DLEC1: variants seen among roughly 807,000 people sequenced by gnomAD.
The protein encoded by DLEC1 is DLEC1 cilia and flagella associated protein.
Under a neutral mutation model 198.1 loss-of-function variants are expected in DLEC1, and 146 were observed. The observed-to-expected ratio is 0.74, with a 90% confidence interval of 0.64 to 0.85. The LOEUF is 0.85. Ranked by LOEUF, DLEC1 falls within the 40% of genes least tolerant of loss-of-function variation. The probability of loss-of-function intolerance (pLI) is 0.00; values close to 1 mark genes in which losing one functional copy is unlikely to be tolerated. For missense variants in DLEC1, 2,233 were observed against 2,220.0 expected (o/e 1.01, Z -0.12); for synonymous variants, 897 against 866.8 (o/e 1.03, Z -0.61).
At chr3:38,051,600 G>A (rs923339115) in intron 2 of DLEC1, among the ~76,000 whole-genome samples, 1 of 152,220 alleles carries the variant, frequency 6.6e-6, no homozygotes, top group African/African-American at 2.4e-5. Flanking sequence ...AATTACTCTG[G>A]AGATCCTGTG....
intron 15 of DLEC1, 26 bp from the exon 16 acceptor site, chr3:38,097,156 G>C: frequency 6.5e-7 from 1 of 1,550,204 alleles, no homozygotes; most frequent in Non-Finnish European, 8.7e-7. Context: ...CAGTAAATGG[G>C]CAGCCTGGTC....
intron 10 of DLEC1, among the ~76,000 whole-genome samples, chr3:38,089,095 C>G (rs922337466): frequency 6.6e-6 from 1 of 152,240 alleles, no homozygotes; most frequent in African/African-American, 2.4e-5. Context: ...TTCACACTAG[C>G]CTGCCGAGGG....
At chr3:38,115,848 G>C (rs1215212611) in intron 27 of DLEC1, among the ~76,000 whole-genome samples, 3 of 152,196 alleles carry the variant, frequency 2.0e-5, no homozygotes, top group East Asian at 3.9e-4. Context: ...GCTGGAGAGA[G>C]AGCAATGGGG....
At chr3:38,065,145 C>T (rs568246223) in intron 6 of DLEC1, among the ~76,000 whole-genome samples, 55 of 152,352 alleles carry the variant, frequency 3.6e-4, no homozygotes, top group African/African-American at 1.2e-3. Flanking sequence ...GAGACCAGCC[C>T]GGCCAGCACA....
intron 2 of DLEC1, among the ~76,000 whole-genome samples, chr3:38,054,198 A>T (rs1696220760): frequency 1.5e-5 from 1 of 68,380 alleles, no homozygotes; most frequent in African/African-American, 5.2e-5. Flanking sequence ...AATAAATACT[A>T]AAAAAAAAAA....
rs563381937 is a variant in DLEC1, at chr3:38,050,100, G to A, written c.562+4407G>A. Among the ~76,000 whole-genome samples the A allele has an allele frequency of 3.3e-5, 5 of 151,404 alleles. No individual in the cohort carries two copies. In the South Asian group the frequency reaches 8.4e-4, roughly 25 times the overall value. On this transcript the variant is annotated intron_variant, in intron 2 of 36. Transcript: ENST00000308059. The stretch of plus-strand genomic sequence containing the variant: ...TTTTTTTTTTTCAAGACAGGGTCTC[G>A]CTTCATCACCCAGGCTGGAGTGCAG...
Position 38,077,875 on chromosome 3 carries a change from G to A in DLEC1, c.1174-6283G>A, listed in dbSNP as rs139591951. 3.8e-3 allele frequency among the ~76,000 whole-genome samples: 575 copies of A among 152,294 alleles called. 5 individuals are homozygous for A. The highest frequency in any genetic ancestry group is 0.013 in the African/African-American group (547 of 41,534). Reference sequence around the variant, plus strand: ...ATAATCCCTGAGGAGTAGTAGAATAGCAGATGGAACACTGAGAAGTTATTT... The same window carrying A: ...ATAATCCCTGAGGAGTAGTAGAATAACAGATGGAACACTGAGAAGTTATTT... On this transcript the variant is annotated intron_variant, in intron 6 of 36. Coordinates refer to ENST00000308059, the MANE Select transcript of DLEC1 (RefSeq NM_007335.4).
rs913201940 is a variant in DLEC1 at position 38,093,635 on chromosome 3, T to C, written c.1787T>C (p.Ile596Thr). 6.2e-7 allele frequency: 1 copy of C among 1,614,192 alleles called. No homozygotes were observed. Among genetic ancestry groups the C allele is most frequent in the Middle Eastern group, 1.6e-4 (1 of 6,062 alleles). ...GIGQLIALDL[I>T]YISGEKSQPD... ...GGGCAGCTGATTGCTTTGGATCTGA[T>C]CTATATTTCTGGTGAAAAAAGCCAG... Residue 596 changes from isoleucine (I) to threonine (T), a missense_variant, in exon 12 of 37, where the codon ATC becomes ACC. Ile to Thr is a moderately conservative substitution (Grantham distance 89). Transcript: ENST00000308059.
rs1033358355 is a variant in DLEC1 at position 38,123,256 on chromosome 3, T to C, written c.*844T>C. 3 of 780,720 alleles carry C rather than the reference T, an allele frequency of 3.8e-6. No individual in the cohort carries two copies. Among genetic ancestry groups the C allele is most frequent in the South Asian group, 3.1e-5 (2 of 63,770 alleles). 48.4% of individuals were successfully genotyped at this position (780,720 alleles called of 1,614,324 possible). On this transcript the variant is annotated 3_prime_UTR_variant, in exon 37 of 37. Transcript: ENST00000308059. The stretch of plus-strand genomic sequence containing the variant: ...CCAGATCTGTGGGCAAGCGGTACCC[T>C]GGCCTCCCACTTGGGCACACACACG...
chr3:38,073,829 G>T (rs1310603427), intron 6 of DLEC1, among the ~76,000 whole-genome samples: 4 of 152,200 alleles, frequency 2.6e-5, no homozygotes, highest in Non-Finnish European at 5.9e-5. Context: ...CGATTAAACA[G>T]GGGATGGACT....
Position 38,085,437 on chromosome 3 carries a change from C to A in DLEC1, c.1425C>A (p.Pro475=), listed in dbSNP as rs77057700. The A allele has an allele frequency of 6.2e-7, 1 of 1,613,876 alleles. No individual in the cohort carries two copies. Among genetic ancestry groups the A allele is most frequent in the Non-Finnish European group, 8.5e-7 (1 of 1,179,982 alleles). ...CCCTGCAGGCCCGGAGGCCGCCCCC[C>A]GTGCTGACATGTGAGTGTGCACCGT... The part of the protein sequence containing the change: ...LIPLQARRPP[P]VLTLSPVLDC... Residue 475 remains proline, a synonymous_variant, in exon 8 of 37, where the codon CCC becomes CCA. Transcript: ENST00000308059.
At chr3:38,053,282 G>A (rs1219821188) in intron 2 of DLEC1, among the ~76,000 whole-genome samples, 37 of 147,410 alleles carry the variant, frequency 2.5e-4, no homozygotes, top group Non-Finnish European at 3.7e-4. Flanking sequence ...CCCTCTGCCC[G>A]GCCGCCCAGT....
intron 6 of DLEC1, among the ~76,000 whole-genome samples, chr3:38,064,257 T>C (rs1696871446): frequency 6.6e-6 from 1 of 152,128 alleles, no homozygotes. Flanking sequence ...ACAAAGCACA[T>C]CTTGCACCGC....
chr3:38,081,038 A>G (rs1178684349), intron 6 of DLEC1, among the ~76,000 whole-genome samples: 1 of 131,642 alleles, frequency 7.6e-6, no homozygotes, highest in East Asian at 2.4e-4. Context: ...TGCTGCCTTC[A>G]AGCGTCTGTT....
At chr3:38,040,031 G>T (rs1700581115) in intron 1 of DLEC1, among the ~76,000 whole-genome samples, 1 of 152,102 alleles carries the variant, frequency 6.6e-6, no homozygotes, top group Admixed American at 6.5e-5. Context: ...CCATTCATGC[G>T]CAGATTTTAG....
chr3:38,048,095 C>T lies in DLEC1; in HGVS notation c.562+2402C>T, dbSNP rs541075252. On this transcript the variant is annotated intron_variant, in intron 2 of 36. Coordinates refer to ENST00000308059, the MANE Select transcript of DLEC1 (RefSeq NM_007335.4). Reference sequence around the variant, plus strand: ...TATCCTTTTGGTGCTCAAATTGTTCCATCTTTGGCAGAGAGCCTTTTCCAG... The same window carrying T: ...TATCCTTTTGGTGCTCAAATTGTTCTATCTTTGGCAGAGAGCCTTTTCCAG... Among the ~76,000 whole-genome samples the T allele has an allele frequency of 3.9e-5, 6 of 152,272 alleles. No homozygotes were observed. The East Asian group carries it at 5.8e-4, about 15-fold the overall frequency.
At chr3:38,052,110 C>G (rs774966275) in intron 2 of DLEC1, 70 of 327,390 alleles carry the variant, frequency 2.1e-4, no homozygotes, top group Non-Finnish European at 3.4e-4. Flanking sequence ...GCAGCATGGG[C>G]TCCTCGACCC....
intron 2 of DLEC1, among the ~76,000 whole-genome samples, chr3:38,055,501 A>G (rs1696310754): frequency 1.3e-5 from 2 of 152,130 alleles, no homozygotes; most frequent in South Asian, 4.1e-4. Flanking sequence ...GCTTAGAATC[A>G]GGCATTGAAA....
chr3:38,108,273 C>A, intron 20 of DLEC1, 132 bp from the exon 21 acceptor site: 2 of 704,218 alleles, frequency 2.8e-6, no homozygotes, highest in East Asian at 5.4e-5. Flanking sequence ...AGCACCCAGC[C>A]CTGTCGGTTT....
Sources: gnomAD v4.1 joint callset for allele counts (sites outside exome capture counted in the v4.1 genomes callset) on GRCh38, gnomAD v4.1.1 for gene constraint, MANE v1.5 for transcripts, NCBI Gene and HGNC (gene_info 2026-07-23, HGNC 2026-07-21) for gene names.